The following ADH1C variants were observed in gnomAD, a reference collection of about 807,000 sequenced individuals.
The protein encoded by ADH1C is alcohol dehydrogenase 1C (class I), gamma polypeptide.
Under a neutral mutation model 35.0 loss-of-function variants are expected in ADH1C, and 26 were observed. That is an observed-to-expected ratio of 0.74 (90% confidence interval 0.54 to 1.03). The LOEUF (loss-of-function observed/expected upper bound fraction) is 1.03, where lower values mean the gene tolerates loss of function less well. Among genes scored for constraint, ADH1C ranks in the 50% least tolerant of loss-of-function variants. The pLI is 0.00. For synonymous variants in ADH1C, 170 were observed against 169.3 expected (o/e 1.00, Z -0.03); for missense variants, 413 against 465.4 (o/e 0.89, Z 1.04).
chr4:99,345,640 A>G (rs899219870), intron 3 of ADH1C, among the ~76,000 whole-genome samples: 1 of 152,220 alleles, frequency 6.6e-6, no homozygotes, highest in Non-Finnish European at 1.5e-5. Context: ...ATACATATAA[A>G]TTTTAGTTGA....
Position 99,336,635 on chromosome 4 carries a change from T to G in ADH1C, c.*117A>C. The stretch of plus-strand genomic sequence containing the variant: ...CATTTCTTTGGAAAGCTCCCACGTG[T>G]AATTTATTTTTAACATCTCTGAAGA... On this transcript the variant is annotated 3_prime_UTR_variant, in exon 9 of 9. Coordinates refer to ENST00000515683, the MANE Select transcript of ADH1C (RefSeq NM_000669.5). The G allele has an allele frequency of 2.4e-6, 3 of 1,269,494 alleles. No homozygotes were observed. The Admixed American group carries it at 6.4e-5, about 27-fold the overall frequency. 78.6% of individuals were successfully genotyped at this position (1,269,494 alleles called of 1,614,324 possible). A position where few individuals can be genotyped will look rare whatever the true frequency, so the allele number is the denominator to read the frequency against.
chr4:99,339,469 AT>A, intron 8 of ADH1C, 107 bp downstream of exon 8: 3 of 1,110,924 alleles, frequency 2.7e-6, no homozygotes, highest in Non-Finnish European at 3.7e-6. Context: ...AGGCACTGTA[AT>A]TTTTTCTCAT....
chr4:99,339,502 G>A, intron 8 of ADH1C, 75 bp downstream of exon 8: 1 of 1,276,930 alleles, frequency 7.8e-7, no homozygotes, highest in Non-Finnish European at 1.0e-6. Flanking sequence ...TTCATTCTCT[G>A]CTAGACAACG....
At chr4:99,346,205 A>ATGAT (rs1734526361) in intron 3 of ADH1C, among the ~76,000 whole-genome samples, 1 of 152,180 alleles carries the variant, frequency 6.6e-6, no homozygotes, top group Non-Finnish European at 1.5e-5. Flanking sequence ...ACCAAGAAAA[A>ATGAT]TGATTGGTGC....
intron 1 of ADH1C, among the ~76,000 whole-genome samples, chr4:99,348,770 A>C (rs1438431296): frequency 6.6e-6 from 1 of 151,966 alleles, no homozygotes; most frequent in Admixed American, 6.5e-5. Context: ...CTATTTCTCC[A>C]CATCCTCTCC....
At chr4:99,349,368 C>T (rs1164226926) in intron 1 of ADH1C, among the ~76,000 whole-genome samples, 1 of 152,056 alleles carries the variant, frequency 6.6e-6, no homozygotes, top group Non-Finnish European at 1.5e-5. Context: ...TTCCCAGCAC[C>T]ATTTATTCTT....
chr4:99,343,618 A>G (rs969846585), intron 5 of ADH1C, among the ~76,000 whole-genome samples: 1 of 152,228 alleles, frequency 6.6e-6, no homozygotes, highest in Non-Finnish European at 1.5e-5. Flanking sequence ...TGACCAGTAT[A>G]TCCCTCCTTT....
At chr4:99,343,846 T>G (rs1254799136) in intron 5 of ADH1C, among the ~76,000 whole-genome samples, 2 of 152,214 alleles carry the variant, frequency 1.3e-5, no homozygotes, top group Admixed American at 1.3e-4. Flanking sequence ...GGCTAGCGGT[T>G]ATTTACTAAA....
rs1384333528 is a variant in ADH1C, at chr4:99,352,681, T to G, written c.-6A>C. 3 of 1,613,140 alleles carry G rather than the reference T, an allele frequency of 1.9e-6. No individual in the cohort carries two copies. The South Asian group carries it at 3.3e-5, about 18-fold the overall frequency. On this transcript the variant is annotated 5_prime_UTR_variant, in exon 1 of 9. Coordinates refer to ENST00000515683, the MANE Select transcript of ADH1C (RefSeq NM_000669.5). ...ACTTTTCCTGCTGTGCTCATATTGATTCTGTCTTCTCTGCAGACCAGGAGG... is the reference window on the plus strand; with the variant it reads ...ACTTTTCCTGCTGTGCTCATATTGAGTCTGTCTTCTCTGCAGACCAGGAGG...
chr4:99,352,238 A>AT (rs1734694390), intron 1 of ADH1C, among the ~76,000 whole-genome samples: 1 of 152,232 alleles, frequency 6.6e-6, no homozygotes, highest in Non-Finnish European at 1.5e-5. Flanking sequence ...AAAAATATGA[A>AT]TACAAATAAT....
In ADH1C at chr4:99,345,006, G is replaced by A. The variant is rs35725608; in HGVS notation, c.423C>T (p.Phe141=). 2.2e-3 allele frequency: 3,588 copies of A among 1,614,162 alleles called. 5 individuals carry two copies. Among genetic ancestry groups the A allele is most frequent in the Non-Finnish European group, 2.8e-3 (3,345 of 1,180,040 alleles). The part of the protein sequence containing the change: ...FTCSGKPIHH[F]VGVSTFSQYT... ...ACTGGGAGAAGGTGCTGACGCCGAC[G>A]AAGTGGTGGATGGGCTTCCCGCTGC... The change falls in exon 5 of 9, where the codon TTC becomes TTT. Residue 141 remains phenylalanine (F), a synonymous_variant. Transcript: ENST00000515683.
Position 99,336,771 on chromosome 4 carries a change from C to A in ADH1C, c.1109G>T (p.Arg370Leu), listed in dbSNP as rs757354662. 6.2e-7 allele frequency: 1 copy of A among 1,613,622 alleles called. No homozygotes were observed. The highest frequency in any genetic ancestry group is 2.2e-5 in the East Asian group (1 of 44,864). The change falls in exon 9 of 9, where the codon CGT becomes CTT. Residue 370 changes from arginine to leucine, a missense_variant. Coordinates refer to ENST00000515683, the MANE Select transcript of ADH1C (RefSeq NM_000669.5). The part of the protein sequence containing the change: ...FDLLRSGKSI[R>L]TVLTF ...ATTGTTTCAAAACGTCAGGACGGTA[C>A]GGATACTGCAATAGGAAAGAAGAGA...
intron 5 of ADH1C, among the ~76,000 whole-genome samples, chr4:99,343,581 C>A (rs1734463566): frequency 6.6e-6 from 1 of 152,208 alleles, no homozygotes. Flanking sequence ...ATAATTAACT[C>A]CTTTCTTCAT....
intron 5 of ADH1C, 133 bp from the exon 6 acceptor site, chr4:99,343,188 G>A: frequency 7.5e-7 from 1 of 1,332,070 alleles, no homozygotes; most frequent in Non-Finnish European, 1.0e-6. Context: ...ATCGAAACCT[G>A]TTTTGGCTTG....
At chr4:99,338,461 T>C (rs2851299) in intron 8 of ADH1C, among the ~76,000 whole-genome samples, 22,473 of 89,942 alleles carry the variant, frequency 0.25, 5,007 homozygotes, top group Non-Finnish European at 0.36. Flanking sequence ...TCTTGAGGGG[T>C]GGTGTGGTTT....
chr4:99,346,572 A>C (rs1010272974), intron 3 of ADH1C, among the ~76,000 whole-genome samples: 2 of 152,150 alleles, frequency 1.3e-5, no homozygotes, highest in Non-Finnish European at 2.9e-5. Flanking sequence ...ATAACCATGC[A>C]GCCTCCATTT....
At chr4:99,339,753 G>C (rs761007639) in intron 7 of ADH1C, 38 bp from the exon 8 acceptor site, 3 of 1,561,322 alleles carry the variant, frequency 1.9e-6, no homozygotes, top group African/African-American at 1.4e-5. Context: ...ATTCAACCAG[G>C]GTAAGTAGGA....
rs1042419301 is a variant in ADH1C at position 99,336,634 on chromosome 4, G to T, written c.*118C>A. On this transcript the variant is annotated 3_prime_UTR_variant, in exon 9 of 9. Transcript: ENST00000515683. Reference sequence around the variant, plus strand: ...CCATTTCTTTGGAAAGCTCCCACGTGTAATTTATTTTTAACATCTCTGAAG... The same window carrying T: ...CCATTTCTTTGGAAAGCTCCCACGTTTAATTTATTTTTAACATCTCTGAAG... The T allele has an allele frequency of 7.9e-7, 1 of 1,270,298 alleles. No individual in the cohort carries two copies. Among genetic ancestry groups the T allele is most frequent in the Non-Finnish European group, 1.1e-6 (1 of 892,426 alleles). The allele number at this position is 1,270,298 out of a possible 1,614,324, so 78.7% of individuals were successfully genotyped here.
At chr4:99,338,391 TTTTCTATATATATA>T (rs1470789417) in intron 8 of ADH1C, among the ~76,000 whole-genome samples, 1 of 27,138 alleles carries the variant, frequency 3.7e-5, no homozygotes. Flanking sequence ...ATGAATACTG[TTTTCTATATATATA>T]TATATATATA....
Sources: gnomAD v4.1 joint callset for allele counts (sites outside exome capture counted in the v4.1 genomes callset) on GRCh38, gnomAD v4.1.1 for gene constraint, MANE v1.5 for transcripts, NCBI Gene and HGNC (gene_info 2026-07-23, HGNC 2026-07-21) for gene names.